Variants in CYP20A1 observed in about 807,000 individuals in gnomAD.
CYP20A1 encodes the protein cytochrome P450 family 20 subfamily A member 1, also known as cytochrome P450 20A1.
In CYP20A1, 61 loss-of-function variants were observed where a neutral mutation model predicts 61.4. That is an observed-to-expected ratio of 0.99 (90% CI 0.81 to 1.23). CYP20A1 has a LOEUF of 1.23. Among genes scored for constraint, CYP20A1 ranks in the 50% most tolerant of loss-of-function variants. The pLI is 0.00. For missense variants in CYP20A1, 530 were observed against 542.4 expected (o/e 0.98, Z 0.23); for synonymous variants, 193 against 188.2 (o/e 1.03, Z -0.21).
rs565639844 is a variant in CYP20A1 at position 203,300,904 on chromosome 2, A to C, written c.*3996A>C. The stretch of plus-strand genomic sequence containing the variant: ...AACTCCGTCTCAGAAAAAAAAAAAA[A>C]AAAAAAAAACGGCCAGGCGAGGTGG... On this transcript the variant is annotated 3_prime_UTR_variant, in exon 13 of 13. Coordinates refer to ENST00000356079, the MANE Select transcript of CYP20A1 (RefSeq NM_177538.3). Among the ~76,000 whole-genome samples the C allele has an allele frequency of 1.8e-4, 27 of 148,128 alleles. No homozygotes were observed. The highest frequency in any genetic ancestry group is 1.1e-3 in the Admixed American group (16 of 14,730).
At chr2:203,245,756 A>G (rs1391162476) in intron 1 of CYP20A1, 90 bp from the exon 2 acceptor site, 6 of 628,154 alleles carry the variant, frequency 9.6e-6, no homozygotes, top group South Asian at 7.4e-5. Flanking sequence ...TTGGAAAGCT[A>G]TTATTTAAGG....
chr2:203,305,071 A>G lies in CYP20A1; in HGVS notation c.*8163A>G, dbSNP rs533853855. On this transcript the variant is annotated 3_prime_UTR_variant, in exon 13 of 13. Coordinates refer to ENST00000356079, the MANE Select transcript of CYP20A1 (RefSeq NM_177538.3). Reference sequence around the variant, plus strand: ...GACTTATAGAATTTTATGACACTAAATGGATAATTGTAAAGTTTGAGTTGG... The same window carrying G: ...GACTTATAGAATTTTATGACACTAAGTGGATAATTGTAAAGTTTGAGTTGG... 6.6e-6 allele frequency among the ~76,000 whole-genome samples: 1 copy of G among 152,270 alleles called. No homozygotes were observed. Among genetic ancestry groups the G allele is most frequent in the African/African-American group, 2.4e-5 (1 of 41,564 alleles).
chr2:203,244,486 A>C (rs1455174471), intron 1 of CYP20A1, among the ~76,000 whole-genome samples: 1 of 152,036 alleles, frequency 6.6e-6, no homozygotes, highest in Non-Finnish European at 1.5e-5. Context: ...GGCAGGAGCC[A>C]CTGCGCCCGG....
chr2:203,263,695 T>C (rs1383844054), intron 4 of CYP20A1, among the ~76,000 whole-genome samples: 1 of 152,170 alleles, frequency 6.6e-6, no homozygotes, highest in African/African-American at 2.4e-5. Flanking sequence ...ACAAGTATAG[T>C]GCTTAAATTC....
intron 4 of CYP20A1, among the ~76,000 whole-genome samples, chr2:203,259,230 T>G (rs1254448630): frequency 6.6e-6 from 1 of 152,180 alleles, no homozygotes; most frequent in African/African-American, 2.4e-5. Flanking sequence ...ACTTTAGTTT[T>G]GTATTGTCAA....
intron 1 of CYP20A1, among the ~76,000 whole-genome samples, chr2:203,242,512 G>A (rs2066288237): frequency 6.6e-6 from 1 of 152,172 alleles, no homozygotes. Context: ...CTTATGGCCA[G>A]CACGGTGACT....
At chr2:203,280,139 A>G (rs757373520) in intron 8 of CYP20A1, 26 bp downstream of exon 8, 18 of 1,567,394 alleles carry the variant, frequency 1.1e-5, no homozygotes, top group Non-Finnish European at 1.6e-5. Flanking sequence ...TTTCTTTTTC[A>G]GAGGAATTAC....
intron 5 of CYP20A1, among the ~76,000 whole-genome samples, chr2:203,268,823 T>C (rs2067440556): frequency 1.3e-5 from 2 of 152,068 alleles, no homozygotes; most frequent in South Asian, 4.1e-4. Flanking sequence ...ACCCCTGAAA[T>C]GATCTTTTAA....
At chr2:203,263,584 G>C (rs1374220795) in intron 4 of CYP20A1, among the ~76,000 whole-genome samples, 1 of 152,098 alleles carries the variant, frequency 6.6e-6, no homozygotes. Context: ...CACCGCTCCC[G>C]GCCCGTATGC....
intron 10 of CYP20A1, among the ~76,000 whole-genome samples, chr2:203,291,484 T>G (rs1173590155): frequency 2.0e-5 from 3 of 152,236 alleles, no homozygotes; most frequent in Non-Finnish European, 4.4e-5. Flanking sequence ...CTCTGATCAT[T>G]GGAGAGATAG....
At chr2:203,271,281 G>C (rs927119151) in intron 5 of CYP20A1, among the ~76,000 whole-genome samples, 1 of 150,012 alleles carries the variant, frequency 6.7e-6, no homozygotes, top group African/African-American at 2.5e-5. Flanking sequence ...GTACAGATGG[G>C]GTTTCACCAT....
chr2:203,246,636 T>A, intron 2 of CYP20A1, 119 bp from the exon 3 acceptor site: 2 of 1,039,456 alleles, frequency 1.9e-6, no homozygotes, highest in Non-Finnish European at 2.8e-6. Context: ...TTTGCAGTAA[T>A]TTGAATTTCA....
intron 9 of CYP20A1, among the ~76,000 whole-genome samples, chr2:203,287,179 A>G (rs1292506412): frequency 7.0e-6 from 1 of 142,578 alleles, no homozygotes; most frequent in African/African-American, 2.6e-5. Context: ...CGATCACACC[A>G]CTACACTCCA....
At chr2:203,259,548 T>A (rs2067049468) in intron 4 of CYP20A1, 1 of 152,000 alleles carries the variant, frequency 6.6e-6, no homozygotes, top group Non-Finnish European at 1.5e-5. Flanking sequence ...TGAGGCCTCA[T>A]CAGAAGCCAG....
intron 4 of CYP20A1, among the ~76,000 whole-genome samples, chr2:203,254,611 T>C (rs759532574): frequency 7.9e-5 from 12 of 152,064 alleles, no homozygotes; most frequent in Non-Finnish European, 1.6e-4. Context: ...TTTAATGTAA[T>C]CAGATTATAC....
Position 203,300,951 on chromosome 2 carries a change from C to T in CYP20A1, c.*4043C>T, listed in dbSNP as rs1469616141. Among the ~76,000 whole-genome samples the T allele has an allele frequency of 6.8e-6, 1 of 147,584 alleles. No homozygotes were observed. On this transcript the variant is annotated 3_prime_UTR_variant, in exon 13 of 13. Transcript: ENST00000356079. Reference sequence around the variant, plus strand: ...GTGGCTCACACCTGTAATCCCAGCACTTTGGGAGGCTGAGGCGGGCAGATC... The same window carrying T: ...GTGGCTCACACCTGTAATCCCAGCATTTTGGGAGGCTGAGGCGGGCAGATC...
In CYP20A1 at chr2:203,266,664, C is replaced by T; in HGVS notation, c.583C>T (p.Gln195Ter). 1 of 1,613,878 alleles carries T rather than the reference C, an allele frequency of 6.2e-7. No individual in the cohort carries two copies. The highest frequency in any genetic ancestry group is 8.5e-7 in the Non-Finnish European group (1 of 1,179,868). The change falls in exon 5 of 13, where the codon CAG becomes TAG. Residue 195 changes from glutamine to a stop codon, truncating the protein, a stop_gained. Coordinates refer to ENST00000356079, the MANE Select transcript of CYP20A1 (RefSeq NM_177538.3). LOFTEE classifies it high-confidence loss of function. ...AGATGATCAGGAAGTCATTCGCTTC[C>T]AGAAGAATCATGGCACAGTAAGTCT... is the stretch of plus-strand genomic sequence containing the variant. ...FEDDQEVIRF[Q>*]KNHGTVWSEI...
At chr2:203,239,238 G>A in intron 1 of CYP20A1, 104 bp downstream of exon 1, 1 of 984,810 alleles carries the variant, frequency 1.0e-6, no homozygotes, top group Non-Finnish European at 1.6e-6. Context: ...GGGCGGGCCT[G>A]AGAGGAGGGT....
rs764659588 is a variant in CYP20A1, at chr2:203,246,816, CATGAGAGAT to C, written c.188_196del (p.Glu63_Tyr65del). 1.1e-5 allele frequency: 17 copies of C among 1,614,040 alleles called. No individual in the cohort carries two copies. In the South Asian group the frequency reaches 1.9e-4, roughly 18 times the overall value. ...TTTGCATGAGTTCCTGGTTAATTTGCATGAGAGATATGGGCCTGTGGTCTCCTTCTGGTT... is the reference window on the plus strand; with the variant it reads ...TTTGCATGAGTTCCTGGTTAATTTGCATGGGCCTGTGGTCTCCTTCTGGTT... On this transcript the variant is annotated inframe_deletion, in exon 3 of 13. Transcript: ENST00000356079.
Sources: allele counts gnomAD v4.1 joint callset (sites outside exome capture counted in the v4.1 genomes callset), GRCh38; gene constraint gnomAD v4.1.1; transcripts MANE v1.5; gene names NCBI Gene and HGNC (gene_info 2026-07-23, HGNC 2026-07-21).